DMD: variants seen among roughly 807,000 people sequenced by gnomAD.
DMD encodes dystrophin.
In DMD, 63 loss-of-function variants were observed where a neutral mutation model predicts 330.1. The ratio of observed to expected loss-of-function variants is 0.19; its 90% CI spans 0.16 to 0.24. DMD has a LOEUF of 0.24. Among genes scored for constraint, DMD ranks in the 10% least tolerant of loss-of-function variants. The probability of loss-of-function intolerance (pLI) is 1.00; values close to 1 mark genes in which losing one functional copy is unlikely to be tolerated. For synonymous variants in DMD, 1,223 were observed against 959.8 expected (o/e 1.27, Z -5.07); for missense variants, 3,344 against 2,684.1 (o/e 1.25, Z -5.43).
At chrX:32,438,121 G>T in intron 29 of DMD, 120 bp downstream of exon 29, 1 of 758,976 alleles carries the variant, frequency 1.3e-6, no homozygotes, top group Non-Finnish European at 2.0e-6. Flanking sequence ...GCATTGGATT[G>T]TCTCTGAAAC....
intron 63 of DMD, among the ~76,000 whole-genome samples, chrX:31,240,452 C>G (rs1235730918): frequency 9.0e-6 from 1 of 111,352 alleles, no homozygotes. Flanking sequence ...TGTTTGATTT[C>G]TTAAAGTCAT....
chrX:31,805,723 T>C (rs1251893423), intron 50 of DMD, among the ~76,000 whole-genome samples: 1 of 112,414 alleles, frequency 8.9e-6, no homozygotes, highest in African/African-American at 3.2e-5. Flanking sequence ...TTTATAAATG[T>C]CCATTCTATG....
intron 45 of DMD, among the ~76,000 whole-genome samples, chrX:31,962,394 C>T (rs951850816): frequency 4.5e-5 from 5 of 111,778 alleles, no homozygotes; most frequent in African/African-American, 1.6e-4. Flanking sequence ...CCAGGCAATG[C>T]TTCTCAAACT....
chrX:32,044,339 A>G (rs1184158812), intron 44 of DMD, among the ~76,000 whole-genome samples: 2 of 110,743 alleles, frequency 1.8e-5, no homozygotes, highest in African/African-American at 6.6e-5. Context: ...ATATCCCTGA[A>G]ATCACAATGC....
At chrX:32,259,206 T>G (rs2097311561) in intron 43 of DMD, among the ~76,000 whole-genome samples, 1 of 109,831 alleles carries the variant, frequency 9.1e-6, no homozygotes, top group African/African-American at 3.3e-5. Flanking sequence ...GACCCTAAAA[T>G]ATCACACAAT....
Position 31,345,091 on chromosome X carries a change from C to T in DMD, c.9163+3465G>A, listed in dbSNP as rs1303398068. Among the ~76,000 whole-genome samples the T allele has an allele frequency of 5.4e-5, 6 of 111,903 alleles. No homozygotes were observed. In the Admixed American group the frequency reaches 5.7e-4, roughly 11 times the overall value. ...TCTCACCGTCCTATTTCTTAAATATCCCTTAAACCAAGTTGGTATTTTCTT... is the reference window on the plus strand; with the variant it reads ...TCTCACCGTCCTATTTCTTAAATATTCCTTAAACCAAGTTGGTATTTTCTT... On this transcript the variant is annotated intron_variant, in intron 61 of 78. Coordinates refer to ENST00000357033, the MANE Select transcript of DMD (RefSeq NM_004006.3).
intron 44 of DMD, among the ~76,000 whole-genome samples, chrX:32,054,209 A>C (rs1354512852): frequency 9.5e-6 from 1 of 104,783 alleles, no homozygotes; most frequent in African/African-American, 3.5e-5. Flanking sequence ...TTTTTTTATT[A>C]TACTTTAAGT....
intron 9 of DMD, among the ~76,000 whole-genome samples, chrX:32,673,266 G>T (rs1344201386): frequency 9.0e-6 from 1 of 110,728 alleles, no homozygotes; most frequent in African/African-American, 3.3e-5. Context: ...CTTGGTACAT[G>T]ATTAAAAAAC....
intron 1 of DMD, among the ~76,000 whole-genome samples, chrX:33,231,265 A>T (rs2052383801): frequency 9.0e-6 from 1 of 111,364 alleles, no homozygotes; most frequent in Non-Finnish European, 1.9e-5. Flanking sequence ...CCTGATTTAA[A>T]TGATAAGTCG....
At chrX:31,584,723 T>C (rs2076504702) in intron 55 of DMD, among the ~76,000 whole-genome samples, 1 of 110,854 alleles carries the variant, frequency 9.0e-6, no homozygotes, top group Admixed American at 9.6e-5. Flanking sequence ...AGGGAGAGAA[T>C]TGACACTAGG....
chrX:31,776,394 A>AT lies in DMD; in HGVS notation c.7310-2203dup, dbSNP rs372667361. On this transcript the variant is annotated intron_variant, in intron 50 of 78. Coordinates refer to ENST00000357033, the MANE Select transcript of DMD (RefSeq NM_004006.3). ...CCTCAAATAAGAGCAGAGACAAGAG[A>AT]TTTTTTTTTTTTCTCCAGACTTACT... Among the ~76,000 whole-genome samples, 46 of 103,447 alleles carry AT rather than the reference A, an allele frequency of 4.4e-4. 1 individual carries two copies. Among genetic ancestry groups the AT allele is most frequent in the African/African-American group, 5.2e-4 (15 of 28,596 alleles). The allele number at this position is 103,447 out of a possible 115,157, so 89.8% of individuals were successfully genotyped here.
chrX:32,642,971 G>A (rs2059564144), intron 11 of DMD, among the ~76,000 whole-genome samples: 1 of 111,177 alleles, frequency 9.0e-6, no homozygotes, highest in South Asian at 3.8e-4. Flanking sequence ...AAGAATGTTG[G>A]CATATGACCA....
At position 32,463,496 on chromosome X, in the gene DMD, C is replaced by G. The variant is rs191164314; in HGVS notation, c.3375G>C (p.Ser1125=). 57 of 1,205,214 alleles carry G rather than the reference C, an allele frequency of 4.7e-5. No individual in the cohort carries two copies. The East Asian group carries it at 5.1e-4, about 11-fold the overall frequency. The stretch of plus-strand genomic sequence containing the variant: ...GTTCTTTGAGTTCTGTCTCAAGTCT[C>G]GAAGCAAACTCTGGCTCTGCTTCAT... ...IKNEAEPEFA[S]RLETELKELN... Residue 1125 remains serine (S), a synonymous_variant, in exon 25 of 79, where the codon TCG becomes TCC. Coordinates refer to ENST00000357033, the MANE Select transcript of DMD (RefSeq NM_004006.3).
At chrX:32,719,063 G>GA (rs1445730039) in intron 7 of DMD, among the ~76,000 whole-genome samples, 2 of 111,565 alleles carry the variant, frequency 1.8e-5, no homozygotes, top group African/African-American at 6.5e-5. Flanking sequence ...AGAGAAGGTA[G>GA]GCAAATAGGT....
intron 1 of DMD, among the ~76,000 whole-genome samples, chrX:33,106,046 TACACACACC>T (rs1219020694): frequency 1.3e-3 from 28 of 21,813 alleles, no homozygotes; most frequent in African/African-American, 2.8e-3. Flanking sequence ...AAATGTGAGA[TACACACACC>T]ACACACACAC....
chrX:32,309,478 C>G (rs1331105497), intron 42 of DMD, among the ~76,000 whole-genome samples: 2 of 111,047 alleles, frequency 1.8e-5, no homozygotes, highest in African/African-American at 6.5e-5. Flanking sequence ...AAATTCATAG[C>G]CTATTTCATC....
At chrX:32,655,214 T>C (rs2060474775) in intron 9 of DMD, among the ~76,000 whole-genome samples, 1 of 112,121 alleles carries the variant, frequency 8.9e-6, no homozygotes, top group South Asian at 3.7e-4. Flanking sequence ...TCTCTAGTTC[T>C]TTTAATTGTT....
chrX:31,452,997 C>T (rs1195007551), intron 59 of DMD, among the ~76,000 whole-genome samples: 1 of 111,781 alleles, frequency 8.9e-6, no homozygotes, highest in Non-Finnish European at 1.9e-5. Context: ...AACTCAATAG[C>T]AAGAAAACAA....
intron 44 of DMD, among the ~76,000 whole-genome samples, chrX:32,093,028 A>C (rs1603624798): frequency 1.8e-5 from 2 of 111,060 alleles, no homozygotes; most frequent in East Asian, 5.6e-4. Context: ...CTACTTAATT[A>C]GTTTTTGTAT....
Sources: gnomAD v4.1 joint callset for allele counts (sites outside exome capture counted in the v4.1 genomes callset) on GRCh38, gnomAD v4.1.1 for gene constraint, MANE v1.5 for transcripts, NCBI Gene and HGNC (gene_info 2026-07-23, HGNC 2026-07-21) for gene names.